The following PCLO variants were observed in gnomAD, a reference collection of about 807,000 sequenced individuals.
PCLO encodes the protein piccolo presynaptic cytomatrix protein, also known as protein piccolo.
PCLO carries 82 observed loss-of-function variants against 427.5 expected under a neutral mutation model. The observed-to-expected ratio is 0.19, with a 90% CI of 0.16 to 0.23. The LOEUF (loss-of-function observed/expected upper bound fraction) is 0.23. Among genes scored for constraint, PCLO ranks in the 10% least tolerant of loss-of-function variants. The pLI, the probability that PCLO is intolerant of heterozygous loss-of-function variation, is 1.00. For missense variants in PCLO, 6,239 were observed against 6,115.9 expected, an observed-to-expected ratio of 1.02 and a Z score of -0.67; for synonymous variants, 2,357 against 2,155.4, an observed-to-expected ratio of 1.09 and a Z score of -2.59.
chr7:82,767,973 A>T (rs1790566640), intron 22 of PCLO, among the ~76,000 whole-genome samples: 1 of 151,894 alleles, frequency 6.6e-6, no homozygotes, highest in Non-Finnish European at 1.5e-5. Flanking sequence ...AAGGAAAGAA[A>T]AGCAAAAAGG....
intron 16 of PCLO, among the ~76,000 whole-genome samples, chr7:82,828,857 G>A (rs367772678): frequency 1.3e-5 from 2 of 152,030 alleles, no homozygotes; most frequent in Non-Finnish European, 2.9e-5. Context: ...TATGTCTCAC[G>A]TTCTAAATAA....
intron 1 of PCLO, among the ~76,000 whole-genome samples, chr7:83,158,136 T>G (rs1328010033): frequency 6.6e-6 from 1 of 152,030 alleles, no homozygotes; most frequent in Non-Finnish European, 1.5e-5. Context: ...GACAAATAAG[T>G]AGATTCTGAA....
At chr7:82,949,374 T>A in intron 6 of PCLO, 102 bp downstream of exon 6, 1 of 818,700 alleles carries the variant, frequency 1.2e-6, no homozygotes, top group Non-Finnish European at 2.0e-6. Flanking sequence ...AATCTAGTAT[T>A]AGGTTTCTAA....
At chr7:82,909,283 A>C (rs996135397) in intron 7 of PCLO, among the ~76,000 whole-genome samples, 1 of 152,118 alleles carries the variant, frequency 6.6e-6, no homozygotes, top group African/African-American at 2.4e-5. Flanking sequence ...ATTTTAAATC[A>C]GGAGAAAAAA....
At chr7:82,880,263 G>C (rs1323451581) in intron 9 of PCLO, among the ~76,000 whole-genome samples, 1 of 152,140 alleles carries the variant, frequency 6.6e-6, no homozygotes, top group Admixed American at 6.5e-5. Context: ...ATGGGACATT[G>C]TTGCATATAT....
chr7:83,135,707 A>G (rs976155855), intron 2 of PCLO, 51 bp from the exon 3 acceptor site: 3 of 1,237,872 alleles, frequency 2.4e-6, no homozygotes. Context: ...TAAAAACACA[A>G]AAATGTTTTC....
chr7:82,981,278 A>G (rs574109760), intron 3 of PCLO, among the ~76,000 whole-genome samples: 19 of 152,094 alleles, frequency 1.2e-4, no homozygotes, highest in Admixed American at 1.1e-3. Context: ...AAGAATACAG[A>G]GGGTACTTAG....
chr7:83,086,062 T>C (rs538762962), intron 3 of PCLO, among the ~76,000 whole-genome samples: 1 of 152,138 alleles, frequency 6.6e-6, no homozygotes, highest in Non-Finnish European at 1.5e-5. Context: ...CAAGGCGCAC[T>C]GAATCTGACA....
At chr7:82,965,689 C>T in intron 4 of PCLO, 82 bp downstream of exon 4, 1 of 852,180 alleles carries the variant, frequency 1.2e-6, no homozygotes, top group Non-Finnish European at 1.8e-6. Flanking sequence ...TATATAATTA[C>T]CATTGAGCAA....
intron 3 of PCLO, among the ~76,000 whole-genome samples, chr7:82,998,711 T>TAA (rs918663853): frequency 1.3e-4 from 19 of 152,000 alleles, no homozygotes; most frequent in South Asian, 6.2e-4. Flanking sequence ...ACCACATTAC[T>TAA]AAAGGCCTAT....
intron 10 of PCLO, among the ~76,000 whole-genome samples, chr7:82,855,705 C>T (rs1280112182): frequency 6.6e-6 from 1 of 151,956 alleles, no homozygotes; most frequent in Non-Finnish European, 1.5e-5. Flanking sequence ...ATCCCTTTTC[C>T]CCATCTCACT....
chr7:82,850,371 G>A (rs1792619041), intron 10 of PCLO, among the ~76,000 whole-genome samples: 1 of 152,062 alleles, frequency 6.6e-6, no homozygotes, highest in South Asian at 2.1e-4. Context: ...TAGCATCGAT[G>A]ATAGGATTTG....
Position 82,954,102 on chromosome 7 carries a change from G to A in PCLO, c.6851C>T (p.Pro2284Leu), listed in dbSNP as rs1181180541. The A allele has an allele frequency of 6.2e-7, 1 of 1,613,802 alleles. No homozygotes were observed. Among genetic ancestry groups the A allele is most frequent in the Non-Finnish European group, 8.5e-7 (1 of 1,179,788 alleles). ...GTCAGTAGAAACAGTGTCAGCAACTGGCCCTTCAGGTTTAGGTACTACAGA... is the reference window on the plus strand; with the variant it reads ...GTCAGTAGAAACAGTGTCAGCAACTAGCCCTTCAGGTTTAGGTACTACAGA... ...IESVVPKPEG[P>L]VADTVSTDLL... The change falls in exon 5 of 25, where the codon CCA becomes CTA. Residue 2284 changes from proline to leucine, a missense_variant. Pro to Leu is a moderately conservative substitution (Grantham distance 98). Around this residue, in one of 5 missense-constraint regions of PCLO, gnomAD observed 4,677 missense variants for 4,468.4 expected, o/e 1.05. Coordinates refer to ENST00000333891, the MANE Select transcript of PCLO (RefSeq NM_033026.6).
At chr7:83,011,949 A>T (rs1788088141) in intron 3 of PCLO, among the ~76,000 whole-genome samples, 2 of 152,084 alleles carry the variant, frequency 1.3e-5, no homozygotes, top group Admixed American at 1.3e-4. Context: ...AGTATATAAT[A>T]TCTTTTTTTT....
chr7:82,917,313 C>T (rs1035354558), intron 6 of PCLO, among the ~76,000 whole-genome samples: 1 of 151,686 alleles, frequency 6.6e-6, no homozygotes, highest in East Asian at 1.9e-4. Context: ...TATCTAATGT[C>T]TTTTTTTTCT....
At chr7:82,970,995 A>G (rs1010819645) in intron 3 of PCLO, among the ~76,000 whole-genome samples, 1 of 151,608 alleles carries the variant, frequency 6.6e-6, no homozygotes, top group East Asian at 1.9e-4. Flanking sequence ...GTAGGTCACA[A>G]TTTTTTTTCA....
intron 3 of PCLO, among the ~76,000 whole-genome samples, chr7:83,072,132 A>G (rs575174042): frequency 5.3e-5 from 8 of 152,070 alleles, no homozygotes; most frequent in African/African-American, 1.9e-4. Context: ...TTCTTATAAT[A>G]GTTACATGAT....
rs571664253 is a variant in PCLO at position 82,966,504 on chromosome 7, A to T, written c.3301-17T>A. On this transcript the variant is annotated splice_polypyrimidine_tract_variant and intron_variant, in intron 3 of 24. Coordinates refer to ENST00000333891, the MANE Select transcript of PCLO (RefSeq NM_033026.6). Reference sequence around the variant, plus strand: ...TTCTTGAATCTGTGGGAAAAAAATTACAATGAACAGATTGAATGTATTATA... The same window carrying T: ...TTCTTGAATCTGTGGGAAAAAAATTTCAATGAACAGATTGAATGTATTATA... The T allele has an allele frequency of 6.9e-7, 1 of 1,450,804 alleles. No individual in the cohort carries two copies. Among genetic ancestry groups the T allele is most frequent in the African/African-American group, 1.4e-5 (1 of 70,168 alleles). The allele number at this position is 1,450,804 out of a possible 1,614,324, so 89.9% of individuals were successfully genotyped here.
At position 82,829,639 on chromosome 7, in the gene PCLO, A is replaced by G. The variant is rs540300599; in HGVS notation, c.14250-1673T>C. The stretch of plus-strand genomic sequence containing the variant: ...AAAGAAAGAGGAGCTCTCATAGACT[A>G]TGGATAGGAAGTTTCTATATATACT... On this transcript the variant is annotated intron_variant, in intron 16 of 24. Coordinates refer to ENST00000333891, the MANE Select transcript of PCLO (RefSeq NM_033026.6). Among the ~76,000 whole-genome samples, 303 of 152,286 alleles carry G rather than the reference A, an allele frequency of 2.0e-3. 5 individuals carry two copies. Among genetic ancestry groups the G allele is most frequent in the African/African-American group, 6.9e-3 (285 of 41,570 alleles).
Sources: gnomAD v4.1 joint callset for allele counts (sites outside exome capture counted in the v4.1 genomes callset) on GRCh38, gnomAD v4.1.1 for gene constraint, gnomAD v4.1.1 regional missense constraint, MANE v1.5 for transcripts, NCBI Gene and HGNC (gene_info 2026-07-23, HGNC 2026-07-21) for gene names.